ITK: variants seen among roughly 807,000 people sequenced by gnomAD.
ITK encodes tyrosine-protein kinase ITK/TSK.
A neutral mutation model predicts 87.6 loss-of-function variants in ITK; 45 were observed. The observed-to-expected ratio is 0.51, with a 90% CI of 0.40 to 0.66. The LOEUF is 0.66. ITK is among the 30% of genes least tolerant of loss of function. The pLI is 0.00. For synonymous variants in ITK, 303 were observed against 273.6 expected, an observed-to-expected ratio of 1.11 and a Z score of -1.06; for missense variants, 605 against 766.3, an observed-to-expected ratio of 0.79 and a Z score of 2.48.
In ITK at chr5:157,194,614, T is replaced by C. The variant is rs114675316; in HGVS notation, c.138+13499T>C. ...GCTGAGGCCATTTCCATGACAATGA[T>C]CCAATTTGGTGTTTCCCAAAGTGGG... On this transcript the variant is annotated intron_variant, in intron 1 of 16. Coordinates refer to ENST00000422843, the MANE Select transcript of ITK (RefSeq NM_005546.4). 5.0e-3 allele frequency among the ~76,000 whole-genome samples: 766 copies of C among 152,298 alleles called. 6 individuals are homozygous for C. The highest frequency in any genetic ancestry group is 0.018 in the African/African-American group (734 of 41,582).
chr5:157,244,115 T>C (rs1309508197), intron 12 of ITK, 147 bp from the exon 13 acceptor site: 3 of 773,778 alleles, frequency 3.9e-6, no homozygotes, highest in East Asian at 2.7e-5. Context: ...CAATGACATG[T>C]TTTTGTTTTG....
chr5:157,234,108 G>A (rs1188034462), intron 8 of ITK, among the ~76,000 whole-genome samples: 1 of 148,422 alleles, frequency 6.7e-6, no homozygotes, highest in African/African-American at 2.5e-5. Flanking sequence ...AGCCTCCTAA[G>A]TAGCTGGGAT....
At chr5:157,239,971 C>G in intron 9 of ITK, 91 bp from the exon 10 acceptor site, 7 of 1,290,592 alleles carry the variant, frequency 5.4e-6, no homozygotes, top group Non-Finnish European at 7.7e-6. Context: ...GGTTATAAGA[C>G]AAAGATAATA....
rs914888979 is a variant in ITK at position 157,207,466 on chromosome 5, C to T, written c.139-1423C>T. ...TGCGGTCTCCACTCACTGCAAGCTCCGCCTCCCGGATTCACGCCATTCTCC... is the reference window on the plus strand; with the variant it reads ...TGCGGTCTCCACTCACTGCAAGCTCTGCCTCCCGGATTCACGCCATTCTCC... On this transcript the variant is annotated intron_variant, in intron 1 of 16. Coordinates refer to ENST00000422843, the MANE Select transcript of ITK (RefSeq NM_005546.4). Among the ~76,000 whole-genome samples, 6 of 140,666 alleles carry T rather than the reference C, an allele frequency of 4.3e-5. No homozygotes were observed. In the South Asian group the frequency reaches 7.4e-4, roughly 17 times the overall value. 92.3% of individuals were successfully genotyped at this position (140,666 alleles called of 152,430 possible). A position where few individuals can be genotyped will look rare whatever the true frequency, so the allele number is the denominator to read the frequency against.
intron 14 of ITK, 43 bp from the exon 15 acceptor site, chr5:157,245,838 G>T: frequency 6.2e-7 from 1 of 1,607,732 alleles, no homozygotes; most frequent in Non-Finnish European, 8.5e-7. Context: ...TGGGACTGAG[G>T]CCCCCGGAAC....
At chr5:157,243,891 T>TG in intron 12 of ITK, 97 bp downstream of exon 12, 3 of 1,160,030 alleles carry the variant, frequency 2.6e-6, no homozygotes, top group Non-Finnish European at 3.9e-6. Context: ...ACTATCTCCC[T>TG]GCGCAAACTC....
intron 1 of ITK, among the ~76,000 whole-genome samples, chr5:157,198,582 G>T (rs922400020): frequency 2.6e-5 from 4 of 152,136 alleles, no homozygotes; most frequent in Admixed American, 6.5e-5. Context: ...GTGGTCCAGG[G>T]AGCCTTGAAA....
chr5:157,243,862 C>A, intron 12 of ITK, 68 bp downstream of exon 12: 7 of 1,422,070 alleles, frequency 4.9e-6, no homozygotes, highest in Non-Finnish European at 6.0e-6. Context: ...CTTGAAATGC[C>A]ATTCAAACGC....
chr5:157,254,043 A>G lies in ITK; in HGVS notation c.*1365A>G, dbSNP rs1755203382. The G allele has an allele frequency of 4.4e-6, 1 of 226,206 alleles. No individual in the cohort carries two copies. The highest frequency in any genetic ancestry group is 5.7e-5 in the Admixed American group (1 of 17,548). The allele number at this position is 226,206 out of a possible 1,614,324, so 14.0% of individuals were successfully genotyped here. ...CCAAAGTGATGGAACTAGAAAGTCT[A>G]GAGCTGGTATTCTAGCCCAAATCTG... On this transcript the variant is annotated 3_prime_UTR_variant, in exon 17 of 17. Coordinates refer to ENST00000422843, the MANE Select transcript of ITK (RefSeq NM_005546.4).
At chr5:157,242,534 G>A (rs1255048965) in intron 11 of ITK, among the ~76,000 whole-genome samples, 1 of 152,110 alleles carries the variant, frequency 6.6e-6, no homozygotes, top group East Asian at 1.9e-4. Context: ...GAGATGCAGT[G>A]GCGTAATCAT....
intron 16 of ITK, among the ~76,000 whole-genome samples, 158 bp from the exon 17 acceptor site, chr5:157,252,449 T>C (rs1755159684): frequency 6.6e-6 from 1 of 152,250 alleles, no homozygotes; most frequent in Non-Finnish European, 1.5e-5. Flanking sequence ...CCAGAATACC[T>C]GCTGTTAACA....
intron 5 of ITK, among the ~76,000 whole-genome samples, chr5:157,221,477 G>A (rs567901135): frequency 9.9e-5 from 15 of 152,106 alleles, no homozygotes; most frequent in Non-Finnish European, 1.3e-4. Flanking sequence ...CAGGATATTC[G>A]AAAGTTGTGG....
At chr5:157,234,479 T>A (rs536464297) in intron 8 of ITK, among the ~76,000 whole-genome samples, 3 of 152,264 alleles carry the variant, frequency 2.0e-5, no homozygotes, top group African/African-American at 7.2e-5. Flanking sequence ...GTATTTAGAG[T>A]CTTTTTATCT....
At chr5:157,234,950 A>T (rs982987624) in intron 8 of ITK, among the ~76,000 whole-genome samples, 5 of 152,110 alleles carry the variant, frequency 3.3e-5, no homozygotes, top group African/African-American at 1.2e-4. Flanking sequence ...AAAAAAAGAG[A>T]TGAATTGATT....
chr5:157,245,455 A>C (rs1755002266), intron 13 of ITK: 3 of 540,672 alleles, frequency 5.5e-6, no homozygotes, highest in Non-Finnish European at 1.0e-5. Flanking sequence ...ATTAGAGCCT[A>C]TCTTTGGTTA....
intron 1 of ITK, among the ~76,000 whole-genome samples, chr5:157,204,425 C>T (rs763691074): frequency 4.6e-5 from 7 of 152,238 alleles, no homozygotes; most frequent in East Asian, 3.9e-4. Flanking sequence ...TGGGGACCAG[C>T]GCAGTGACTC....
intron 16 of ITK, among the ~76,000 whole-genome samples, chr5:157,251,836 AT>A (rs1755144275): frequency 1.3e-5 from 2 of 152,144 alleles, no homozygotes; most frequent in Non-Finnish European, 2.9e-5. Flanking sequence ...GGGCTGATCC[AT>A]TAATCTGTTT....
chr5:157,211,448 T>C, intron 3 of ITK, 80 bp downstream of exon 3: 8 of 1,186,140 alleles, frequency 6.7e-6, no homozygotes, highest in Non-Finnish European at 1.0e-5. Context: ...GAATAGAGTG[T>C]GGTGTGAGAG....
intron 10 of ITK, chr5:157,240,486 T>C (rs1394491599): frequency 6.3e-6 from 3 of 475,738 alleles, no homozygotes; most frequent in Admixed American, 6.7e-5. Flanking sequence ...GCCAAAAAGG[T>C]TGGGGACTGC....
Sources: allele counts gnomAD v4.1 joint callset (sites outside exome capture counted in the v4.1 genomes callset), GRCh38; gene constraint gnomAD v4.1.1; transcripts MANE v1.5; gene names NCBI Gene and HGNC (gene_info 2026-07-23, HGNC 2026-07-21).